Variants in CSNK1G3 observed in about 807,000 individuals in gnomAD.
CSNK1G3 encodes the protein casein kinase I isoform gamma-3.
A neutral mutation model predicts 64.3 loss-of-function variants in CSNK1G3; 23 were observed. The observed-to-expected ratio is 0.36, with a 90% CI of 0.26 to 0.51. The LOEUF (loss-of-function observed/expected upper bound fraction) is 0.51, where lower values mean the gene tolerates loss of function less well. Among genes scored for constraint, CSNK1G3 ranks in the 20% least tolerant of loss-of-function variants. The pLI is 0.96. For synonymous variants in CSNK1G3, 158 were observed against 162.2 expected (o/e 0.97, Z 0.20); for missense variants, 357 against 510.5 (o/e 0.70, Z 2.90).
At chr5:123,554,976 T>C (rs2150383067) in intron 3 of CSNK1G3, among the ~76,000 whole-genome samples, 1 of 152,364 alleles carries the variant, frequency 6.6e-6, no homozygotes, top group Non-Finnish European at 1.5e-5. Context: ...GTTCATACCA[T>C]TGATGCCTTA....
At chr5:123,554,192 GT>G (rs1784191205) in intron 3 of CSNK1G3, among the ~76,000 whole-genome samples, 1 of 152,168 alleles carries the variant, frequency 6.6e-6, no homozygotes, top group Non-Finnish European at 1.5e-5. Context: ...GTGGAGTAGG[GT>G]TGCAGTGCCA....
rs367925721 is a variant in CSNK1G3 at position 123,589,243 on chromosome 5, T to C, written c.844+732T>C. 2.5e-4 allele frequency among the ~76,000 whole-genome samples: 38 copies of C among 152,290 alleles called. 1 individual carries two copies. Among genetic ancestry groups the C allele is most frequent in the Admixed American group, 1.2e-3 (18 of 15,278 alleles). ...GGCGTTATTAATGTAATAATAATATTATCAACATAACAAAAGTAGCTCTTT... is the reference window on the plus strand; with the variant it reads ...GGCGTTATTAATGTAATAATAATATCATCAACATAACAAAAGTAGCTCTTT... On this transcript the variant is annotated intron_variant, in intron 8 of 12. Coordinates refer to ENST00000345990, the Ensembl canonical transcript of CSNK1G3.
chr5:123,547,100 A>C (rs1234800863), intron 2 of CSNK1G3, among the ~76,000 whole-genome samples: 1 of 152,174 alleles, frequency 6.6e-6, no homozygotes, highest in African/African-American at 2.4e-5. Flanking sequence ...ACATCCATCC[A>C]GTACTTATTA....
At chr5:123,520,200 T>A (rs1777857815) in intron 1 of CSNK1G3, among the ~76,000 whole-genome samples, 1 of 152,126 alleles carries the variant, frequency 6.6e-6, no homozygotes, top group Non-Finnish European at 1.5e-5. Flanking sequence ...TTCAAGAAAA[T>A]GATCTTAAGC....
rs192732081 is a variant in CSNK1G3 at position 123,532,726 on chromosome 5, T to G, written c.-247-12691T>G. 1.6e-3 allele frequency among the ~76,000 whole-genome samples: 250 copies of G among 152,052 alleles called. 2 individuals are homozygous for G. Among genetic ancestry groups the G allele is most frequent in the Non-Finnish European group, 2.8e-3 (190 of 67,818 alleles). ...TGTACTGTTAAATTTTTTGAAATAT[T>G]CTTCTCAAATTTCACAGTGTTTTTT... is the stretch of plus-strand genomic sequence containing the variant. On this transcript the variant is annotated intron_variant, in intron 1 of 12. Coordinates refer to ENST00000345990, the Ensembl canonical transcript of CSNK1G3.
intron 9 of CSNK1G3, 34 bp downstream of exon 9, chr5:123,590,592 G>C (rs1312472625): frequency 7.7e-7 from 1 of 1,302,752 alleles, no homozygotes; most frequent in African/African-American, 1.6e-5. Context: ...ATTACTTACA[G>C]TATCTGTTGC....
chr5:123,556,241 C>T (rs1784601234), intron 3 of CSNK1G3, among the ~76,000 whole-genome samples: 1 of 152,022 alleles, frequency 6.6e-6, no homozygotes, highest in South Asian at 2.1e-4. Context: ...GTCACAGTTT[C>T]ATTATGATGT....
At chr5:123,531,007 G>A (rs1779837219) in intron 1 of CSNK1G3, among the ~76,000 whole-genome samples, 1 of 152,086 alleles carries the variant, frequency 6.6e-6, no homozygotes, top group Non-Finnish European at 1.5e-5. Flanking sequence ...TTAAATTTTG[G>A]AGAAGGCTGA....
intron 1 of CSNK1G3, among the ~76,000 whole-genome samples, chr5:123,520,301 G>A (rs1183905048): frequency 6.6e-6 from 1 of 152,034 alleles, no homozygotes; most frequent in African/African-American, 2.4e-5. Flanking sequence ...TGTATGGGTT[G>A]TAAGTATATG....
chr5:123,536,656 C>T (rs1233936968), intron 1 of CSNK1G3, among the ~76,000 whole-genome samples: 1 of 151,772 alleles, frequency 6.6e-6, no homozygotes, highest in African/African-American at 2.4e-5. Context: ...GAAACATCAC[C>T]ATGTACCCCA....
chr5:123,561,372 G>A (rs1483986292), intron 4 of CSNK1G3, among the ~76,000 whole-genome samples: 1 of 152,198 alleles, frequency 6.6e-6, no homozygotes, highest in Non-Finnish European at 1.5e-5. Flanking sequence ...GACAAGAAAA[G>A]AATAGCAAGA....
intron 2 of CSNK1G3, among the ~76,000 whole-genome samples, chr5:123,546,458 G>T (rs886519981): frequency 2.0e-5 from 3 of 152,038 alleles, no homozygotes; most frequent in Non-Finnish European, 4.4e-5. Context: ...TTGGAACTCA[G>T]TGAGGGAAAA....
exon 1 of CSNK1G3, chr5:123,512,532 C>T (rs1776360860): frequency 6.6e-6 from 1 of 152,030 alleles, no homozygotes; most frequent in African/African-American, 2.4e-5. Context: ...GCCGCCCGCG[C>T]CCGGGACCGA....
chr5:123,602,841 A>C (rs1383739000), intron 10 of CSNK1G3, among the ~76,000 whole-genome samples: 1 of 152,140 alleles, frequency 6.6e-6, no homozygotes, highest in African/African-American at 2.4e-5. Context: ...AATGATGGCC[A>C]CCATTTATTG....
At chr5:123,550,459 G>A (rs765986666) in intron 2 of CSNK1G3, among the ~76,000 whole-genome samples, 1 of 152,184 alleles carries the variant, frequency 6.6e-6, no homozygotes, top group Non-Finnish European at 1.5e-5. Flanking sequence ...CTGAAAGAGA[G>A]GCAGGCAATG....
intron 5 of CSNK1G3, among the ~76,000 whole-genome samples, chr5:123,574,577 T>C (rs1218712635): frequency 6.6e-6 from 1 of 151,946 alleles, no homozygotes; most frequent in Non-Finnish European, 1.5e-5. Flanking sequence ...CCCAGCACTT[T>C]GGGGAGTCTG....
intron 5 of CSNK1G3, among the ~76,000 whole-genome samples, chr5:123,575,254 GAA>G (rs1436171437): frequency 6.6e-6 from 1 of 152,120 alleles, no homozygotes; most frequent in African/African-American, 2.4e-5. Flanking sequence ...TTATGAAAAA[GAA>G]AAAGATACTG....
At chr5:123,575,084 G>A (rs887300143) in intron 5 of CSNK1G3, among the ~76,000 whole-genome samples, 2 of 152,038 alleles carry the variant, frequency 1.3e-5, no homozygotes, top group African/African-American at 4.8e-5. Context: ...ATGACAGTTT[G>A]TACAATGAAC....
chr5:123,553,050 A>G, intron 2 of CSNK1G3, 57 bp from the exon 3 acceptor site: 1 of 957,704 alleles, frequency 1.0e-6, no homozygotes. Context: ...ACAGTTTTAT[A>G]TAATGTATCT....
Sources: gnomAD v4.1 joint callset for allele counts (sites outside exome capture counted in the v4.1 genomes callset) on GRCh38, gnomAD v4.1.1 for gene constraint, MANE v1.5 for transcripts, NCBI Gene and HGNC (gene_info 2026-07-23, HGNC 2026-07-21) for gene names.